RYR2: variants seen among roughly 807,000 people sequenced by gnomAD.
RYR2 encodes the protein cardiac muscle ryanodine receptor-calcium release channel.
A neutral mutation model predicts 601.1 loss-of-function variants in RYR2; 227 were observed. The ratio of observed to expected loss-of-function variants is 0.38; its 90% CI spans 0.34 to 0.42. RYR2 has a LOEUF of 0.42. Among genes scored for constraint, RYR2 ranks in the 10% least tolerant of loss-of-function variants. The pLI, the probability that RYR2 is intolerant of heterozygous loss-of-function variation, is 1.00. For missense variants in RYR2, 4,646 were observed against 6,156.5 expected (o/e 0.75, Z 8.21); for synonymous variants, 2,223 against 2,175.1 (o/e 1.02, Z -0.61).
At chr1:237,332,572 G>A (rs769749505) in intron 3 of RYR2, among the ~76,000 whole-genome samples, 6 of 152,014 alleles carry the variant, frequency 3.9e-5, no homozygotes, top group Non-Finnish European at 7.4e-5. Flanking sequence ...AAACATCCCT[G>A]AGTCATATCA....
intron 38 of RYR2, among the ~76,000 whole-genome samples, chr1:237,622,227 C>T (rs1359829642): frequency 6.6e-6 from 1 of 152,096 alleles, no homozygotes; most frequent in African/African-American, 2.4e-5. Flanking sequence ...TAGTATTGTT[C>T]AAACATAAAT....
intron 90 of RYR2, 73 bp from the exon 91 acceptor site, chr1:237,785,896 T>A: frequency 1.9e-6 from 2 of 1,039,610 alleles, no homozygotes; most frequent in Non-Finnish European, 3.0e-6. Context: ...TGACACATGG[T>A]CACATGGCTC....
intron 27 of RYR2, among the ~76,000 whole-genome samples, chr1:237,554,009 T>G (rs1309991468): frequency 1.3e-5 from 2 of 151,962 alleles, no homozygotes; most frequent in East Asian, 3.8e-4. Flanking sequence ...TTTTTGCTTC[T>G]TGATTTATTG....
intron 1 of RYR2, among the ~76,000 whole-genome samples, chr1:237,136,419 C>G (rs1319282793): frequency 6.6e-6 from 1 of 152,148 alleles, no homozygotes; most frequent in South Asian, 2.1e-4. Flanking sequence ...GCAGGGGCCT[C>G]TGAGAGCTAT....
chr1:237,325,654 T>C (rs1333034708), intron 2 of RYR2, among the ~76,000 whole-genome samples: 12 of 151,796 alleles, frequency 7.9e-5, no homozygotes, highest in Non-Finnish European at 1.5e-4. Flanking sequence ...TACCACTGCA[T>C]TCCAGCCTGG....
intron 97 of RYR2, among the ~76,000 whole-genome samples, chr1:237,798,696 A>G (rs979025447): frequency 2.0e-5 from 3 of 152,112 alleles, no homozygotes; most frequent in African/African-American, 4.8e-5. Flanking sequence ...TTACTTCAAA[A>G]TGAAACACTC....
intron 21 of RYR2, among the ~76,000 whole-genome samples, chr1:237,502,379 T>A (rs376256945): frequency 6.6e-6 from 1 of 152,178 alleles, no homozygotes; most frequent in East Asian, 1.9e-4. Flanking sequence ...TTACCTGCTT[T>A]CTTCAAGTTG....
chr1:237,777,766 C>G (rs1333313592), intron 87 of RYR2, among the ~76,000 whole-genome samples: 1 of 152,204 alleles, frequency 6.6e-6, no homozygotes, highest in African/African-American at 2.4e-5. Context: ...AACATCTTAA[C>G]AAGTTTATCT....
At chr1:237,565,168 TTTC>T in intron 27 of RYR2, among the ~76,000 whole-genome samples, 1 of 22,926 alleles carries the variant, frequency 4.4e-5, no homozygotes, top group African/African-American at 1.0e-4. Flanking sequence ...TCTTTCTTTC[TTTC>T]TTTCTTTCTT....
chr1:237,749,819 T>C (rs910943879), intron 80 of RYR2, among the ~76,000 whole-genome samples: 14 of 152,166 alleles, frequency 9.2e-5, no homozygotes, highest in Admixed American at 9.2e-4. Context: ...CCCTGTGTTT[T>C]AGAACAGGAA....
intron 1 of RYR2, among the ~76,000 whole-genome samples, chr1:237,125,604 T>C (rs1671322417): frequency 6.6e-6 from 1 of 152,222 alleles, no homozygotes; most frequent in South Asian, 2.1e-4. Context: ...ATAAAAATAT[T>C]AACGTCATTG....
chr1:237,104,464 C>A (rs1372546499), intron 1 of RYR2, among the ~76,000 whole-genome samples: 1 of 152,176 alleles, frequency 6.6e-6, no homozygotes, highest in African/African-American at 2.4e-5. Flanking sequence ...CCTTGTCTAG[C>A]ACTGCTGCTT....
chr1:237,502,764 C>T (rs1664800056), intron 21 of RYR2, among the ~76,000 whole-genome samples: 1 of 151,584 alleles, frequency 6.6e-6, no homozygotes, highest in African/African-American at 2.4e-5. Flanking sequence ...GGGGTTGGGG[C>T]CCCTGCTTCA....
Position 237,784,611 on chromosome 1 carries a change from G to A in RYR2, c.12899G>A (p.Ser4300Asn), listed in dbSNP as rs998814994. Residue 4300 changes from serine to asparagine, a missense_variant, in exon 90 of 105, where the codon AGC (serine) becomes AAC (asparagine). Ser to Asn is a conservative substitution (Grantham distance 46). This residue lies in a region of RYR2 where 364 missense variants were observed against 442.9 expected (regional missense o/e 0.82). Transcript: ENST00000366574. This position sits in a 1 kb window ranked among gnomAD's most constrained non-coding sequence, Gnocchi z 7.1. ...IFMTLLHFVA[S>N]VFRGFFRIIC... The stretch of plus-strand genomic sequence containing the variant: ...ATGACCCTCTTGCACTTCGTGGCCA[G>A]CGTTTTCAGAGGCTTTTTCCGCATC... 6.2e-7 allele frequency: 1 copy of A among 1,613,938 alleles called. No individual in the cohort carries two copies. Among genetic ancestry groups the A allele is most frequent in the East Asian group, 2.2e-5 (1 of 44,864 alleles).
At chr1:237,154,726 A>T (rs1675115564) in intron 1 of RYR2, among the ~76,000 whole-genome samples, 1 of 152,168 alleles carries the variant, frequency 6.6e-6, no homozygotes, top group Non-Finnish European at 1.5e-5. Flanking sequence ...CCCTAGAGGG[A>T]CATTTTATAG....
intron 95 of RYR2, among the ~76,000 whole-genome samples, chr1:237,794,393 C>A (rs1286350768): frequency 6.6e-6 from 1 of 152,170 alleles, no homozygotes; most frequent in East Asian, 1.9e-4. Flanking sequence ...GAATTTTACA[C>A]CTTGAATATA....
chr1:237,767,641 C>T (rs1036313571), intron 84 of RYR2, among the ~76,000 whole-genome samples: 1 of 152,116 alleles, frequency 6.6e-6, no homozygotes, highest in Admixed American at 6.6e-5. Flanking sequence ...ACTGTAGTCA[C>T]TAACTAAATA....
At chr1:237,298,570 A>T (rs890160183) in intron 2 of RYR2, among the ~76,000 whole-genome samples, 1 of 152,238 alleles carries the variant, frequency 6.6e-6, no homozygotes, top group East Asian at 1.9e-4. Flanking sequence ...TGGCTCTATT[A>T]GCTTCATTTG....
At chr1:237,131,919 G>T (rs527750746) in intron 1 of RYR2, among the ~76,000 whole-genome samples, 2 of 151,850 alleles carry the variant, frequency 1.3e-5, no homozygotes, top group South Asian at 2.1e-4. Context: ...AGGTGGGGAC[G>T]CCCTACGTTG....
Sources: gnomAD v4.1 joint callset for allele counts (sites outside exome capture counted in the v4.1 genomes callset) on GRCh38, gnomAD v4.1.1 for gene constraint, gnomAD v4.1.1 regional missense constraint, Gnocchi (gnomAD v3.1) non-coding constraint, MANE v1.5 for transcripts, NCBI Gene and HGNC (gene_info 2026-07-23, HGNC 2026-07-21) for gene names.